TMEM181: variants seen among roughly 807,000 people sequenced by gnomAD.
The protein encoded by TMEM181 is G protein-coupled receptor 178.
In TMEM181, 39 loss-of-function variants were observed where a neutral mutation model predicts 71.9. That is an observed-to-expected ratio of 0.54 (90% CI 0.42 to 0.71). The LOEUF is 0.71. TMEM181 is among the 30% of genes least tolerant of loss of function. The probability of loss-of-function intolerance (pLI) is 0.00; values close to 1 mark genes in which losing one functional copy is unlikely to be tolerated. For synonymous variants in TMEM181, 245 were observed against 228.8 expected (o/e 1.07, Z -0.64); for missense variants, 595 against 583.0 (o/e 1.02, Z -0.21).
chr6:158,607,922 C>T (rs1225816323), intron 8 of TMEM181, among the ~76,000 whole-genome samples: 1 of 152,230 alleles, frequency 6.6e-6, no homozygotes, highest in African/African-American at 2.4e-5. Flanking sequence ...CTGGCTGTTC[C>T]TCTTTTCCTG....
At chr6:158,585,219 A>T (rs368561026) in intron 4 of TMEM181, 85 bp from the exon 5 acceptor site, 2 of 1,431,830 alleles carry the variant, frequency 1.4e-6, no homozygotes. Flanking sequence ...TCCTGGCTCC[A>T]AGGTCATTAC....
Position 158,605,158 on chromosome 6 carries a change from GTA to G in TMEM181, c.493-107_493-106del, listed in dbSNP as rs575576602. On this transcript the variant is annotated intron_variant, in intron 6 of 16. Coordinates refer to ENST00000684151, the MANE Select transcript of TMEM181 (RefSeq NM_001376852.1). ...TGTGTGTGTGTGTGTGTGTGTGTGTGTATGTGTATATATTGTCTCATCTAGAG... is the reference window on the plus strand; with the variant it reads ...TGTGTGTGTGTGTGTGTGTGTGTGTGTGTGTATATATTGTCTCATCTAGAG... 1.6e-4 allele frequency: 90 copies of G among 571,578 alleles called. 2 individuals carry two copies. The highest frequency in any genetic ancestry group is 2.0e-4 in the Non-Finnish European group (63 of 322,924). The allele number at this position is 571,578 out of a possible 1,614,324, so 35.4% of individuals were successfully genotyped here. A position where few individuals can be genotyped will look rare whatever the true frequency, so the allele number is the denominator to read the frequency against.
Position 158,554,984 on chromosome 6 carries a change from C to T in TMEM181, c.131+18119C>T, listed in dbSNP as rs562288253. Among the ~76,000 whole-genome samples the T allele has an allele frequency of 2.8e-4, 42 of 152,284 alleles. 1 individual carries two copies. Among genetic ancestry groups the T allele is most frequent in the African/African-American group, 9.6e-4 (40 of 41,572 alleles). ...AATCTCTTTTACTCCCACTCTTTTGCTTTTTTCAGCTTTAAATGAGTTTAG... is the reference window on the plus strand; with the variant it reads ...AATCTCTTTTACTCCCACTCTTTTGTTTTTTTCAGCTTTAAATGAGTTTAG... On this transcript the variant is annotated intron_variant, in intron 1 of 16. Transcript: ENST00000367090.
chr6:158,565,521 A>G (rs1479664710), intron 1 of TMEM181, among the ~76,000 whole-genome samples: 1 of 152,252 alleles, frequency 6.6e-6, no homozygotes. Flanking sequence ...CACAGACAGC[A>G]GGAAGAGACA....
chr6:158,540,112 T>C (rs1165971417), intron 1 of TMEM181, among the ~76,000 whole-genome samples: 1 of 152,220 alleles, frequency 6.6e-6, no homozygotes, highest in African/African-American at 2.4e-5. Flanking sequence ...GGGCTACTGC[T>C]TCTCATTCAT....
At chr6:158,572,478 T>TCTCC (rs987714394) in intron 1 of TMEM181, 3 of 456,344 alleles carry the variant, frequency 6.6e-6, no homozygotes, top group African/African-American at 6.0e-5. Context: ...GGTCTGTGGG[T>TCTCC]CTCCTCCTCA....
intron 1 of TMEM181, among the ~76,000 whole-genome samples, chr6:158,539,950 C>A (rs1365232724): frequency 2.0e-5 from 3 of 152,144 alleles, no homozygotes; most frequent in Non-Finnish European, 4.4e-5. Context: ...GAAGAGAGCA[C>A]TAAAGATGTT....
chr6:158,540,315 G>A (rs1161102840), intron 1 of TMEM181, among the ~76,000 whole-genome samples: 2 of 152,198 alleles, frequency 1.3e-5, no homozygotes, highest in Admixed American at 6.5e-5. Flanking sequence ...TTGGCAAGCA[G>A]CTACTAAAGT....
chr6:158,611,120 G>A, intron 10 of TMEM181: 1 of 519,878 alleles, frequency 1.9e-6, no homozygotes, highest in Admixed American at 2.0e-5. Context: ...GGGCTCCTCA[G>A]TGGGTTTCTC....
chr6:158,627,006 C>T (rs1786342205), intron 13 of TMEM181, among the ~76,000 whole-genome samples: 1 of 148,704 alleles, frequency 6.7e-6, no homozygotes, highest in Non-Finnish European at 1.5e-5. Flanking sequence ...TCTCAGCACA[C>T]CCTTACAGCC....
intron 1 of TMEM181, among the ~76,000 whole-genome samples, chr6:158,570,563 C>T (rs1307599637): frequency 6.6e-6 from 1 of 151,896 alleles, no homozygotes; most frequent in Non-Finnish European, 1.5e-5. Context: ...CTTCAATTCA[C>T]AGGTGGGGAA....
At chr6:158,545,261 T>C (rs1781490104) in intron 1 of TMEM181, among the ~76,000 whole-genome samples, 2 of 152,374 alleles carry the variant, frequency 1.3e-5, no homozygotes, top group South Asian at 2.1e-4. Context: ...AAAGCCCCAT[T>C]GTTCTGCATG....
Position 158,585,318 on chromosome 6 carries a change from A to G in TMEM181, c.274A>G (p.Thr92Ala), listed in dbSNP as rs766451395. ...TTCTTTTGTAGAAACTTCTATTAAG[A>G]CAAGCTTTCCCATGACTGTTAAAGT... ...LDQSKETSIK[T>A]SFPMTVKVDG... Residue 92 changes from threonine to alanine, a missense_variant, in exon 5 of 17, where the codon ACA becomes GCA. Transcript: ENST00000684151. The G allele has an allele frequency of 1.9e-6, 3 of 1,603,982 alleles. No individual in the cohort carries two copies. In the South Asian group the frequency reaches 3.4e-5, roughly 18 times the overall value.
At chr6:158,612,348 C>G (rs1348603586) in intron 10 of TMEM181, among the ~76,000 whole-genome samples, 3 of 152,240 alleles carry the variant, frequency 2.0e-5, no homozygotes, top group Non-Finnish European at 4.4e-5. Context: ...CGTGTTCTTT[C>G]TGGTTACTTC....
chr6:158,573,545 T>TGCCA, intron 2 of TMEM181, 22 bp downstream of exon 2: 1 of 1,579,088 alleles, frequency 6.3e-7, no homozygotes, highest in Admixed American at 1.8e-5. Context: ...TTTTTACTCA[T>TGCCA]TGAATCTTTT....
intron 1 of TMEM181, among the ~76,000 whole-genome samples, chr6:158,544,706 A>G (rs1421370344): frequency 6.6e-6 from 1 of 151,812 alleles, no homozygotes; most frequent in East Asian, 1.9e-4. Flanking sequence ...CTCAGTCTTC[A>G]TCACCCCCTC....
intron 1 of TMEM181, among the ~76,000 whole-genome samples, chr6:158,538,399 C>G (rs145720924): frequency 1.7e-3 from 257 of 151,774 alleles, no homozygotes; most frequent in African/African-American, 5.8e-3. Flanking sequence ...AAGTGATGCT[C>G]CCACCTTGGC....
chr6:158,581,900 A>G (rs1336899856), intron 3 of TMEM181, among the ~76,000 whole-genome samples: 3 of 152,118 alleles, frequency 2.0e-5, no homozygotes, highest in Non-Finnish European at 2.9e-5. Context: ...TGTGTGAAAC[A>G]TAACTTTACC....
intron 11 of TMEM181, among the ~76,000 whole-genome samples, chr6:158,624,115 G>A (rs1304094967): frequency 6.6e-6 from 1 of 152,164 alleles, no homozygotes; most frequent in African/African-American, 2.4e-5. Flanking sequence ...TGTGGCTGAC[G>A]CAGTTTGAGG....
Sources: gnomAD v4.1 joint callset for allele counts (sites outside exome capture counted in the v4.1 genomes callset) on GRCh38, gnomAD v4.1.1 for gene constraint, MANE v1.5 for transcripts, NCBI Gene and HGNC (gene_info 2026-07-23, HGNC 2026-07-21) for gene names.